ERBB4: variants seen among roughly 807,000 people sequenced by gnomAD.
The protein encoded by ERBB4 is receptor tyrosine-protein kinase erbB-4.
Under a neutral mutation model 158.0 loss-of-function variants are expected in ERBB4, and 42 were observed. The observed-to-expected ratio is 0.27, with a 90% CI of 0.21 to 0.34. The LOEUF (loss-of-function observed/expected upper bound fraction) is 0.34. ERBB4 is among the 10% of genes least tolerant of loss of function. The pLI, the probability that ERBB4 is intolerant of heterozygous loss-of-function variation, is 1.00. For synonymous variants in ERBB4, 583 were observed against 558.7 expected (o/e 1.04, Z -0.61); for missense variants, 1,333 against 1,624.1 (o/e 0.82, Z 3.08).
rs1283172441 is a variant in ERBB4 at position 211,746,603 on chromosome 2, T to A, written c.622+4036A>T. ...TAGCACTTTGGGAGGCCGAGGCGAG[T>A]GGATCACCTGAGGTCAGGAGTTCAA... is the stretch of plus-strand genomic sequence containing the variant. On this transcript the variant is annotated intron_variant, in intron 5 of 27. Transcript: ENST00000342788. Among the ~76,000 whole-genome samples the A allele has an allele frequency of 4.0e-5, 6 of 151,878 alleles. No homozygotes were observed. In the East Asian group the frequency reaches 1.2e-3, roughly 30 times the overall value.
chr2:212,456,918 T>C (rs1688319681), intron 1 of ERBB4, among the ~76,000 whole-genome samples: 1 of 151,922 alleles, frequency 6.6e-6, no homozygotes, highest in African/African-American at 2.4e-5. Context: ...AAATATTCCA[T>C]ATTTTACATG....
intron 3 of ERBB4, among the ~76,000 whole-genome samples, chr2:211,900,307 A>C (rs1422806401): frequency 6.6e-6 from 1 of 152,098 alleles, no homozygotes; most frequent in Non-Finnish European, 1.5e-5. Context: ...ATGTCTTAAA[A>C]TAGCACAGAT....
intron 1 of ERBB4, among the ~76,000 whole-genome samples, chr2:212,137,323 C>T (rs1247076730): frequency 2.0e-5 from 3 of 152,122 alleles, no homozygotes; most frequent in Non-Finnish European, 4.4e-5. Flanking sequence ...TCCTCTCTCT[C>T]CTCCCACTCT....
rs1574797709 is a variant in ERBB4, at chr2:212,374,021, C to CATATATATCCAT, written c.82+164427_82+164428insATGGATATATAT. ...CCATATATATATATCCATATATATC[C>CATATATATCCAT]ATATATATATATCCATATATATCCA... On this transcript the variant is annotated intron_variant, in intron 1 of 27. Transcript: ENST00000342788. 6.4e-5 allele frequency among the ~76,000 whole-genome samples: 5 copies of CATATATATCCAT among 77,566 alleles called. No individual in the cohort carries two copies. In the East Asian group the frequency reaches 1.3e-3, roughly 21 times the overall value. 50.9% of individuals were successfully genotyped at this position (77,566 alleles called of 152,430 possible).
chr2:211,912,581 T>C (rs933711963), intron 3 of ERBB4, among the ~76,000 whole-genome samples: 3 of 152,216 alleles, frequency 2.0e-5, no homozygotes, highest in African/African-American at 7.2e-5. Flanking sequence ...CCTCTGACTA[T>C]AACTCTCAGG....
chr2:212,240,656 A>ACAAAC (rs2084060459), intron 1 of ERBB4, among the ~76,000 whole-genome samples: 2 of 147,348 alleles, frequency 1.4e-5, no homozygotes, highest in African/African-American at 5.2e-5. Context: ...AAAAAAAAAA[A>ACAAAC]AAAAAAAAAA....
chr2:212,397,247 G>A (rs769953134), intron 1 of ERBB4, among the ~76,000 whole-genome samples: 1 of 152,172 alleles, frequency 6.6e-6, no homozygotes, highest in East Asian at 1.9e-4. Flanking sequence ...GACTGAGGCG[G>A]GAGGATCACT....
chr2:211,434,247 GCT>G (rs2063803628), intron 20 of ERBB4, among the ~76,000 whole-genome samples: 1 of 152,126 alleles, frequency 6.6e-6, no homozygotes, highest in Admixed American at 6.6e-5. Flanking sequence ...TTAAAACTCT[GCT>G]ATGATCTGAA....
chr2:212,095,506 C>A (rs2078901696), intron 2 of ERBB4, among the ~76,000 whole-genome samples: 1 of 152,118 alleles, frequency 6.6e-6, no homozygotes, highest in African/African-American at 2.4e-5. Flanking sequence ...TTTAAAAAAG[C>A]AACCGAATAT....
rs78213931 is a variant in ERBB4, at chr2:212,121,777, C to T, written c.234+2975G>A. 9.3e-3 allele frequency among the ~76,000 whole-genome samples: 1,414 copies of T among 152,238 alleles called. 16 individuals are homozygous for T. The highest frequency in any genetic ancestry group is 0.032 in the African/African-American group (1,342 of 41,550). On this transcript the variant is annotated intron_variant, in intron 2 of 27. Transcript: ENST00000342788. ...TTCCTAGTGTCTAAAACAGTACACA[C>T]TAAGTACACATTTATTAACTCTGAT...
chr2:212,068,088 C>G (rs1393866754), intron 2 of ERBB4, among the ~76,000 whole-genome samples: 3 of 151,922 alleles, frequency 2.0e-5, no homozygotes, highest in African/African-American at 7.2e-5. Context: ...GGAATAAACT[C>G]CAAACTCTTA....
At chr2:212,170,807 G>T (rs761518582) in intron 1 of ERBB4, among the ~76,000 whole-genome samples, 1 of 152,190 alleles carries the variant, frequency 6.6e-6, no homozygotes, top group Non-Finnish European at 1.5e-5. Flanking sequence ...TTCAGAGGAT[G>T]TATGGAAACA....
intron 1 of ERBB4, among the ~76,000 whole-genome samples, chr2:212,333,092 T>A (rs1408846115): frequency 6.6e-6 from 1 of 152,060 alleles, no homozygotes; most frequent in Non-Finnish European, 1.5e-5. Context: ...CACACACATG[T>A]ATACTTGCAC....
intron 25 of ERBB4, among the ~76,000 whole-genome samples, chr2:211,404,388 A>C (rs1290457537): frequency 6.6e-6 from 1 of 152,010 alleles, no homozygotes; most frequent in Non-Finnish European, 1.5e-5. Flanking sequence ...GCCAGTCTCT[A>C]AGCTTCCTAA....
intron 1 of ERBB4, among the ~76,000 whole-genome samples, chr2:212,221,520 T>C (rs140344961): frequency 1.2e-3 from 177 of 151,610 alleles, no homozygotes; most frequent in African/African-American, 4.1e-3. Context: ...TGAATGTAAC[T>C]TTCCTCCAAT....
At chr2:212,096,437 A>G (rs2078936301) in intron 2 of ERBB4, among the ~76,000 whole-genome samples, 1 of 152,174 alleles carries the variant, frequency 6.6e-6, no homozygotes, top group Non-Finnish European at 1.5e-5. Flanking sequence ...TATGTTATAT[A>G]TTAGGAGGCA....
chr2:211,438,267 A>G (rs2063899616), intron 20 of ERBB4, among the ~76,000 whole-genome samples: 1 of 152,234 alleles, frequency 6.6e-6, no homozygotes, highest in South Asian at 2.1e-4. Flanking sequence ...TATCTGAAAT[A>G]TTAAATTGTG....
At chr2:211,986,176 A>T (rs541610148) in intron 2 of ERBB4, among the ~76,000 whole-genome samples, 2 of 152,302 alleles carry the variant, frequency 1.3e-5, no homozygotes, top group African/African-American at 4.8e-5. Context: ...CCTGGAACAG[A>T]TTCTTTCTCA....
chr2:212,310,311 T>A (rs2086982257), intron 1 of ERBB4, among the ~76,000 whole-genome samples: 3 of 150,804 alleles, frequency 2.0e-5, no homozygotes, highest in Non-Finnish European at 4.5e-5. Context: ...GACATCAAAT[T>A]TATGTCTCTT....
Sources: gnomAD v4.1 joint callset for allele counts (sites outside exome capture counted in the v4.1 genomes callset) on GRCh38, gnomAD v4.1.1 for gene constraint, MANE v1.5 for transcripts, NCBI Gene and HGNC (gene_info 2026-07-23, HGNC 2026-07-21) for gene names.